The following MCC variants were observed in gnomAD, a reference collection of about 807,000 sequenced individuals.
MCC encodes the protein colorectal mutant cancer protein.
MCC carries 90 observed loss-of-function variants against 116.2 expected under a neutral mutation model. That is an observed-to-expected ratio of 0.77 (90% CI 0.65 to 0.92). MCC has a LOEUF of 0.92. Among genes scored for constraint, MCC ranks in the 40% least tolerant of loss-of-function variants. MCC has a pLI of 0.00. For missense variants in MCC, 1,516 were observed against 1,312.2 expected, an observed-to-expected ratio of 1.16 and a Z score of -2.40; for synonymous variants, 578 against 510.5, an observed-to-expected ratio of 1.13 and a Z score of -1.78.
chr5:113,086,010 G>C (rs1186316608), intron 8 of MCC, among the ~76,000 whole-genome samples: 1 of 152,208 alleles, frequency 6.6e-6, no homozygotes, highest in East Asian at 1.9e-4. Context: ...TACCTTTAAG[G>C]AATGTTTATT....
intron 16 of MCC, among the ~76,000 whole-genome samples, chr5:113,045,429 T>G (rs1260788269): frequency 6.6e-6 from 1 of 152,192 alleles, no homozygotes; most frequent in African/African-American, 2.4e-5. Context: ...TTTAAAATCA[T>G]TTTAAAAAGT....
intron 3 of MCC, among the ~76,000 whole-genome samples, chr5:113,283,926 C>G (rs1224054926): frequency 6.6e-6 from 1 of 152,118 alleles, no homozygotes; most frequent in Non-Finnish European, 1.5e-5. Context: ...TACATGAAGA[C>G]GATGAAGATG....
At chr5:113,075,702 G>C (rs1007934853) in intron 11 of MCC, among the ~76,000 whole-genome samples, 3 of 152,172 alleles carry the variant, frequency 2.0e-5, no homozygotes, top group Non-Finnish European at 4.4e-5. Flanking sequence ...GACGAGATAA[G>C]GGAATAAAAG....
At chr5:113,031,307 G>A (rs1750936191) in intron 17 of MCC, among the ~76,000 whole-genome samples, 1 of 152,092 alleles carries the variant, frequency 6.6e-6, no homozygotes, top group African/African-American at 2.4e-5. Context: ...CAGCCTCCAG[G>A]ACATCTCGGA....
At chr5:113,437,739 T>G (rs1222925615) in intron 1 of MCC, among the ~76,000 whole-genome samples, 1 of 152,232 alleles carries the variant, frequency 6.6e-6, no homozygotes, top group Non-Finnish European at 1.5e-5. Context: ...ATTCTTTAGA[T>G]GCTTTAAATT....
intron 10 of MCC, among the ~76,000 whole-genome samples, chr5:113,083,300 G>C (rs1233281062): frequency 1.3e-5 from 2 of 152,010 alleles, no homozygotes; most frequent in Non-Finnish European, 2.9e-5. Context: ...CTTAAATTCT[G>C]AATGTGGAAC....
rs1180580073 is a variant in MCC at position 113,434,582 on chromosome 5, G to A, written c.171-49370C>T. 1.9e-6 allele frequency: 3 copies of A among 1,613,776 alleles called. No homozygotes were observed. Among genetic ancestry groups the A allele is most frequent in the African/African-American group, 2.7e-5 (2 of 74,904 alleles). On this transcript the variant is annotated intron_variant, in intron 1 of 18. Transcript: ENST00000408903. The surrounding 1 kb of genome is among the most constrained non-coding windows in gnomAD (Gnocchi z 4.2). ...GGACCGCGAGCTCCATGACGATGTA[G>A]ACCTTGCCATGTGATGTCTCAAAGA...
chr5:113,133,039 CG>C (rs1220983545), intron 5 of MCC, among the ~76,000 whole-genome samples: 1 of 151,898 alleles, frequency 6.6e-6, no homozygotes, highest in Non-Finnish European at 1.5e-5. Flanking sequence ...CGGATAGATA[CG>C]TATTTTCAGG....
chr5:113,246,927 C>A (rs1215553514), intron 3 of MCC, among the ~76,000 whole-genome samples: 5 of 152,156 alleles, frequency 3.3e-5, no homozygotes, highest in Non-Finnish European at 7.4e-5. Context: ...TATATTTAAG[C>A]AGGAGGCAAA....
At chr5:113,449,840 G>C (rs989800676) in intron 1 of MCC, among the ~76,000 whole-genome samples, 1 of 152,112 alleles carries the variant, frequency 6.6e-6, no homozygotes, top group Non-Finnish European at 1.5e-5. Context: ...ACAAATAAAT[G>C]ACGATTTTTA....
At chr5:113,059,024 A>C (rs2150226483) in intron 14 of MCC, among the ~76,000 whole-genome samples, 1 of 152,316 alleles carries the variant, frequency 6.6e-6, no homozygotes, top group African/African-American at 2.4e-5. Flanking sequence ...ACACGAACGC[A>C]GGCAGGCAGA....
At position 113,400,113 on chromosome 5, in the gene MCC, C is replaced by CTTTTTTTTTTTT. The variant is rs747991299; in HGVS notation, c.171-14913_171-14902dup. The stretch of plus-strand genomic sequence containing the variant: ...ATTGTTTTGGCCCTCTCCTTTTTTA[C>CTTTTTTTTTTTT]TTTTTTTTTTTTTTTTTTTTTTTTT... On this transcript the variant is annotated intron_variant, in intron 1 of 18. Coordinates refer to ENST00000408903, the MANE Select transcript of MCC (RefSeq NM_001085377.2). 3.8e-3 allele frequency: 273 copies of CTTTTTTTTTTTT among 71,406 alleles called. 44 individuals are homozygous for CTTTTTTTTTTTT. The highest frequency in any genetic ancestry group is 6.3e-3 in the African/African-American group (86 of 13,714). The allele number at this position is 71,406 out of a possible 1,614,324, so 4.4% of individuals were successfully genotyped here. A position where few individuals can be genotyped will look rare whatever the true frequency, so the allele number is the denominator to read the frequency against.
intron 5 of MCC, among the ~76,000 whole-genome samples, chr5:113,131,924 G>A (rs1758456758): frequency 6.6e-6 from 1 of 152,066 alleles, no homozygotes; most frequent in South Asian, 2.1e-4. Context: ...GCTACTCAGT[G>A]ACCAACCATA....
chr5:113,300,001 T>C (rs969250207), intron 3 of MCC, among the ~76,000 whole-genome samples: 1 of 152,178 alleles, frequency 6.6e-6, no homozygotes, highest in Non-Finnish European at 1.5e-5. Context: ...GCCCTGGGCA[T>C]GACTGGATGA....
Position 113,392,019 on chromosome 5 carries a change from T to C in MCC, c.171-6807A>G, listed in dbSNP as rs556018993. Among the ~76,000 whole-genome samples the C allele has an allele frequency of 1.9e-3, 282 of 152,338 alleles. 3 individuals are homozygous for C. The highest frequency in any genetic ancestry group is 6.5e-3 in the African/African-American group (269 of 41,578). The stretch of plus-strand genomic sequence containing the variant: ...GTAATTTGAGATATGACAAAGATTG[T>C]ATTTAGATAAAGAATTCCACAATGC... On this transcript the variant is annotated intron_variant, in intron 1 of 18. Coordinates refer to ENST00000408903, the MANE Select transcript of MCC (RefSeq NM_001085377.2).
At chr5:113,067,205 G>T (rs749029292) in intron 13 of MCC, among the ~76,000 whole-genome samples, 1 of 147,222 alleles carries the variant, frequency 6.8e-6, no homozygotes, top group Non-Finnish European at 1.5e-5. Context: ...CAGGCCAACA[G>T]GGCACAGGAT....
chr5:113,459,098 T>C (rs1305877490), intron 1 of MCC, among the ~76,000 whole-genome samples: 1 of 128,928 alleles, frequency 7.8e-6, no homozygotes. Flanking sequence ...GAACAGGTGA[T>C]GGCAACAATG....
intron 1 of MCC, among the ~76,000 whole-genome samples, chr5:113,443,286 T>C (rs1421329953): frequency 6.6e-6 from 1 of 152,208 alleles, no homozygotes; most frequent in African/African-American, 2.4e-5. Flanking sequence ...ACTCATGATT[T>C]GGCTCTCTGT....
chr5:113,251,728 A>C (rs916837144), intron 3 of MCC, among the ~76,000 whole-genome samples: 1 of 152,200 alleles, frequency 6.6e-6, no homozygotes, highest in African/African-American at 2.4e-5. Context: ...CTCAAGTTCA[A>C]AACAAAACAA....
Sources: gnomAD v4.1 joint callset for allele counts (sites outside exome capture counted in the v4.1 genomes callset) on GRCh38, gnomAD v4.1.1 for gene constraint, Gnocchi (gnomAD v3.1) non-coding constraint, MANE v1.5 for transcripts, NCBI Gene and HGNC (gene_info 2026-07-23, HGNC 2026-07-21) for gene names.